SMYD2: variants seen among roughly 807,000 people sequenced by gnomAD.
SMYD2 encodes the protein SET and MYND domain containing 2.
Under a neutral mutation model 59.1 loss-of-function variants are expected in SMYD2, and 53 were observed. That is an observed-to-expected ratio of 0.90 (90% CI 0.72 to 1.13). SMYD2 has a LOEUF of 1.13. Among genes scored for constraint, SMYD2 ranks in the 50% most tolerant of loss-of-function variants. The pLI, the probability that SMYD2 is intolerant of heterozygous loss-of-function variation, is 0.00. For missense variants in SMYD2, 494 were observed against 544.7 expected (o/e 0.91, Z 0.93); for synonymous variants, 208 against 198.8 (o/e 1.05, Z -0.39).
At chr1:214,283,212 GGATGGTCA>G (rs1656477092) in intron 1 of SMYD2, among the ~76,000 whole-genome samples, 1 of 152,188 alleles carries the variant, frequency 6.6e-6, no homozygotes, top group Non-Finnish European at 1.5e-5. Context: ...GAACATTAAT[GGATGGTCA>G]GATGCAAGTT....
chr1:214,300,483 A>G (rs967207446), intron 1 of SMYD2, among the ~76,000 whole-genome samples: 2 of 152,088 alleles, frequency 1.3e-5, no homozygotes, highest in African/African-American at 4.8e-5. Context: ...TCTCATTTTG[A>G]AAAATGATCC....
intron 1 of SMYD2, among the ~76,000 whole-genome samples, chr1:214,296,279 T>C (rs1040886207): frequency 3.3e-5 from 5 of 152,270 alleles, no homozygotes; most frequent in African/African-American, 7.2e-5. Flanking sequence ...AATTAATCAC[T>C]GTGTGTGTCT....
At chr1:214,309,284 G>A (rs936038287) in intron 2 of SMYD2, among the ~76,000 whole-genome samples, 2 of 152,136 alleles carry the variant, frequency 1.3e-5, no homozygotes, top group Non-Finnish European at 1.5e-5. Context: ...TTAGTTGGGT[G>A]CGTTATTTTG....
chr1:214,297,484 T>A (rs1656753653), intron 1 of SMYD2, among the ~76,000 whole-genome samples: 1 of 152,162 alleles, frequency 6.6e-6, no homozygotes, highest in African/African-American at 2.4e-5. Context: ...CGAAAATGGA[T>A]AGCCCATATG....
intron 11 of SMYD2, among the ~76,000 whole-genome samples, chr1:214,335,752 A>G (rs993425709): frequency 1.3e-5 from 2 of 152,226 alleles, no homozygotes; most frequent in Non-Finnish European, 2.9e-5. Context: ...AATGAGGCAC[A>G]GAGTGGTTAA....
rs539190942 is a variant in SMYD2, at chr1:214,281,431, G to GGGC, written c.173+25_173+27dup. The stretch of plus-strand genomic sequence containing the variant: ...ACTGCGAGTACTGCTTCACCAGGTA[G>GGGC]GGCGGCGGCGGCGGCGGCGGCGGGC... On this transcript the variant is annotated splice_donor_region_variant and intron_variant, in intron 1 of 11. Coordinates refer to ENST00000366957, the MANE Select transcript of SMYD2 (RefSeq NM_020197.3). 6.2e-3 allele frequency: 8,679 copies of GGGC among 1,409,026 alleles called. 21 individuals are homozygous for GGGC. Among genetic ancestry groups the GGGC allele is most frequent in the Non-Finnish European group, 6.6e-3 (7,127 of 1,077,436 alleles). 87.3% of individuals were successfully genotyped at this position (1,409,026 alleles called of 1,614,324 possible).
At chr1:214,294,682 C>A (rs1329445247) in intron 1 of SMYD2, among the ~76,000 whole-genome samples, 1 of 152,054 alleles carries the variant, frequency 6.6e-6, no homozygotes, top group African/African-American at 2.4e-5. Context: ...AACAAACAAA[C>A]AAAAAACACA....
At chr1:214,291,838 C>G (rs1000984975) in intron 1 of SMYD2, among the ~76,000 whole-genome samples, 5 of 152,112 alleles carry the variant, frequency 3.3e-5, no homozygotes, top group African/African-American at 4.8e-5. Flanking sequence ...AGCAGCAGCT[C>G]TGGGTAGATA....
At chr1:214,287,234 G>A (rs1558047137) in intron 1 of SMYD2, among the ~76,000 whole-genome samples, 2 of 152,090 alleles carry the variant, frequency 1.3e-5, no homozygotes, top group Non-Finnish European at 2.9e-5. Context: ...GGAGTTGTGG[G>A]GAGGGGTGAA....
intron 1 of SMYD2, among the ~76,000 whole-genome samples, chr1:214,283,666 T>C (rs9308433): frequency 0.41 from 62,987 of 151,994 alleles, 13,997 homozygotes; most frequent in African/African-American, 0.57. Flanking sequence ...TCCAGATGTA[T>C]GAGGGGAACG....
chr1:214,284,343 C>T (rs1434012809), intron 1 of SMYD2, among the ~76,000 whole-genome samples: 2 of 142,810 alleles, frequency 1.4e-5, no homozygotes, highest in Non-Finnish European at 3.0e-5. Context: ...TCACCACAAC[C>T]TCCACCTCCC....
At chr1:214,284,874 C>G (rs1215601172) in intron 1 of SMYD2, among the ~76,000 whole-genome samples, 1 of 152,160 alleles carries the variant, frequency 6.6e-6, no homozygotes, top group Non-Finnish European at 1.5e-5. Flanking sequence ...CTGCTTTAAC[C>G]CAGTGTTCCA....
intron 5 of SMYD2, among the ~76,000 whole-genome samples, chr1:214,321,041 A>G (rs1035972830): frequency 5.9e-5 from 9 of 152,200 alleles, no homozygotes; most frequent in African/African-American, 2.2e-4. Flanking sequence ...CTGGCTATGG[A>G]AAAAGATAGC....
At chr1:214,297,535 G>A (rs952132303) in intron 1 of SMYD2, among the ~76,000 whole-genome samples, 3 of 152,028 alleles carry the variant, frequency 2.0e-5, no homozygotes, top group African/African-American at 4.8e-5. Flanking sequence ...AGCAATAGTC[G>A]AACACTCATA....
At chr1:214,314,994 T>C in intron 3 of SMYD2, 122 bp downstream of exon 3, 1 of 737,168 alleles carries the variant, frequency 1.4e-6, no homozygotes, top group Non-Finnish European at 2.3e-6. Context: ...ACATTTCCTA[T>C]CATATCCATA....
At chr1:214,324,014 G>A (rs754150820) in intron 5 of SMYD2, among the ~76,000 whole-genome samples, 2 of 152,078 alleles carry the variant, frequency 1.3e-5, no homozygotes, top group South Asian at 2.1e-4. Flanking sequence ...TGCAGCCTCC[G>A]CCTCCTGGGT....
At chr1:214,296,478 G>T (rs1279917841) in intron 1 of SMYD2, among the ~76,000 whole-genome samples, 1 of 152,088 alleles carries the variant, frequency 6.6e-6, no homozygotes, top group Non-Finnish European at 1.5e-5. Flanking sequence ...TAGAAACATA[G>T]ATCCTCTAGC....
At chr1:214,323,206 T>C (rs1657200916) in intron 5 of SMYD2, among the ~76,000 whole-genome samples, 1 of 152,216 alleles carries the variant, frequency 6.6e-6, no homozygotes, top group Non-Finnish European at 1.5e-5. Flanking sequence ...AATTGTCTCC[T>C]AATAGTCTGA....
chr1:214,311,436 G>A (rs1656997775), intron 2 of SMYD2, among the ~76,000 whole-genome samples: 1 of 152,188 alleles, frequency 6.6e-6, no homozygotes, highest in South Asian at 2.1e-4. Flanking sequence ...GACTTGCTAA[G>A]TAACTTAGGG....
Sources: gnomAD v4.1 joint callset for allele counts (sites outside exome capture counted in the v4.1 genomes callset) on GRCh38, gnomAD v4.1.1 for gene constraint, MANE v1.5 for transcripts, NCBI Gene and HGNC (gene_info 2026-07-23, HGNC 2026-07-21) for gene names.